PCDHA13: variants seen among roughly 807,000 people sequenced by gnomAD.
PCDHA13 encodes protocadherin alpha-13.
A neutral mutation model predicts 64.8 loss-of-function variants in PCDHA13; 54 were observed. The ratio of observed to expected loss-of-function variants is 0.83; its 90% CI spans 0.67 to 1.04. The LOEUF is 1.04. Ranked by LOEUF, PCDHA13 falls within the 50% of genes least tolerant of loss-of-function variation. The pLI is 0.00. For synonymous variants in PCDHA13, 587 were observed against 564.4 expected (o/e 1.04, Z -0.57); for missense variants, 1,248 against 1,254.3 (o/e 0.99, Z 0.08).
chr5:140,928,989 A>C (rs1554206541), intron 1 of PCDHA13: 2 of 1,613,706 alleles, frequency 1.2e-6, no homozygotes, highest in Non-Finnish European at 1.7e-6. Flanking sequence ...TGGGGTGCTT[A>C]CTTTTCTTCG....
At chr5:140,956,142 T>C (rs1416783643) in intron 1 of PCDHA13, among the ~76,000 whole-genome samples, 1 of 152,194 alleles carries the variant, frequency 6.6e-6, no homozygotes, top group East Asian at 1.9e-4. Flanking sequence ...CCTTTATTTC[T>C]TTCTCTTTCC....
intron 3 of PCDHA13, among the ~76,000 whole-genome samples, chr5:141,000,396 T>TCTATAA (rs2097916207): frequency 7.7e-5 from 5 of 65,332 alleles, no homozygotes; most frequent in African/African-American, 3.1e-4. Context: ...TCTCTCTCTC[T>TCTATAA]ATATATATAT....
intron 3 of PCDHA13, among the ~76,000 whole-genome samples, chr5:140,989,714 A>T (rs2097355942): frequency 6.6e-6 from 1 of 152,202 alleles, no homozygotes; most frequent in Non-Finnish European, 1.5e-5. Context: ...AGAGGCAGTC[A>T]GCTTTGCAGT....
At chr5:140,950,608 T>G (rs1490243292) in intron 1 of PCDHA13, among the ~76,000 whole-genome samples, 1 of 152,086 alleles carries the variant, frequency 6.6e-6, no homozygotes, top group Non-Finnish European at 1.5e-5. Context: ...GACTATGATG[T>G]GCTTATTTAT....
At chr5:140,966,405 A>G (rs562045428) in intron 1 of PCDHA13, 6 of 404,248 alleles carry the variant, frequency 1.5e-5, no homozygotes, top group African/African-American at 1.2e-4. Context: ...TCGGCGCGGA[A>G]TCAGAGCAGG....
At chr5:140,986,427 G>A (rs937088313) in intron 3 of PCDHA13, among the ~76,000 whole-genome samples, 19 of 152,186 alleles carry the variant, frequency 1.2e-4, no homozygotes, top group African/African-American at 4.6e-4. Context: ...TTAACTTCAT[G>A]AGTACTAATG....
chr5:141,005,031 A>G (rs2098194150), intron 3 of PCDHA13, among the ~76,000 whole-genome samples: 1 of 152,212 alleles, frequency 6.6e-6, no homozygotes, highest in South Asian at 2.1e-4. Context: ...ATAATTGCCC[A>G]TATGTGATAC....
intron 1 of PCDHA13, among the ~76,000 whole-genome samples, chr5:140,963,050 G>C (rs2095732681): frequency 2.6e-5 from 4 of 152,030 alleles, no homozygotes; most frequent in Admixed American, 2.6e-4. Flanking sequence ...AGTCTATAAG[G>C]GTTTCTACAT....
chr5:140,928,122 A>G (rs1554205517), intron 1 of PCDHA13: 14 of 1,614,078 alleles, frequency 8.7e-6, no homozygotes, highest in Non-Finnish European at 1.2e-5. Context: ...AGATCAGTGA[A>G]TACCAAGTCC....
At chr5:140,927,381 A>G in intron 1 of PCDHA13, 2 of 1,614,102 alleles carry the variant, frequency 1.2e-6, no homozygotes, top group Non-Finnish European at 1.7e-6. Flanking sequence ...GCTACAGCCT[A>G]AGCCCCAGTC....
intron 1 of PCDHA13, among the ~76,000 whole-genome samples, chr5:140,910,875 C>A (rs1224657424): frequency 4.6e-5 from 7 of 152,184 alleles, no homozygotes; most frequent in Non-Finnish European, 7.3e-5. Flanking sequence ...TTATCCCACA[C>A]CCTTAATATC....
At chr5:140,904,519 A>C (rs576512079) in intron 1 of PCDHA13, among the ~76,000 whole-genome samples, 2 of 152,174 alleles carry the variant, frequency 1.3e-5, no homozygotes, top group Non-Finnish European at 2.9e-5. Context: ...GTGCTGCTAT[A>C]AACTTGTGTG....
chr5:140,929,580 T>A (rs1035039235), intron 1 of PCDHA13: 13 of 442,122 alleles, frequency 2.9e-5, no homozygotes, highest in African/African-American at 1.0e-4. Context: ...AAAAGTAATA[T>A]GACATAAAGG....
At chr5:140,942,139 A>C (rs1211983428) in intron 1 of PCDHA13, among the ~76,000 whole-genome samples, 1 of 152,248 alleles carries the variant, frequency 6.6e-6, no homozygotes, top group Non-Finnish European at 1.5e-5. Context: ...TTGTGGCTTT[A>C]CTTGACATAA....
At chr5:140,929,404 G>T (rs530409256) in intron 1 of PCDHA13, 1 of 1,506,596 alleles carries the variant, frequency 6.6e-7, no homozygotes, top group South Asian at 1.4e-5. Flanking sequence ...TCTTAGACAA[G>T]CCTTTCACAA....
At chr5:141,008,557 T>G (rs1394611167) in intron 3 of PCDHA13, among the ~76,000 whole-genome samples, 3 of 152,218 alleles carry the variant, frequency 2.0e-5, no homozygotes, top group African/African-American at 7.2e-5. Flanking sequence ...CTCCTGTGGA[T>G]GCATAATCAT....
At position 140,884,619 on chromosome 5, in the gene PCDHA13, A is replaced by C; in HGVS notation, c.2351A>C (p.Glu784Ala). ...PSLPPCLGSA[E>A]GTGQREEDSE... ...CTTCCTCCTTGTCTGGGTTCTGCAGAGGGAACAGGCCAGAGGGAGGAGGAC... is the reference window on the plus strand; with the variant it reads ...CTTCCTCCTTGTCTGGGTTCTGCAGCGGGAACAGGCCAGAGGGAGGAGGAC... Residue 784 changes from glutamate to alanine, a missense_variant, in exon 1 of 4, where the codon GAG (glutamate) becomes GCG (alanine). Glu to Ala is a moderately radical substitution (Grantham distance 107, BLOSUM62 -1). Coordinates refer to ENST00000289272, the MANE Select transcript of PCDHA13 (RefSeq NM_018904.3). 3.7e-6 allele frequency: 6 copies of C among 1,614,074 alleles called. No homozygotes were observed. The highest frequency in any genetic ancestry group is 5.1e-6 in the Non-Finnish European group (6 of 1,179,956).
chr5:140,920,841 T>TAA (rs781921146), intron 1 of PCDHA13, among the ~76,000 whole-genome samples: 36 of 109,202 alleles, frequency 3.3e-4, no homozygotes, highest in African/African-American at 8.5e-4. Flanking sequence ...AGACCAAATC[T>TAA]AAAAAAAAAA....
intron 1 of PCDHA13, 27 bp from the exon 2 acceptor site, chr5:140,978,922 C>G: frequency 6.2e-7 from 1 of 1,613,966 alleles, no homozygotes; most frequent in Non-Finnish European, 8.5e-7. Context: ...GTCATTTTAA[C>G]AGAAAACTCT....
Sources: gnomAD v4.1 joint callset for allele counts (sites outside exome capture counted in the v4.1 genomes callset) on GRCh38, gnomAD v4.1.1 for gene constraint, MANE v1.5 for transcripts, NCBI Gene and HGNC (gene_info 2026-07-23, HGNC 2026-07-21) for gene names.